The following LARP1 variants were observed in gnomAD, a reference collection of about 807,000 sequenced individuals.
LARP1 encodes la-related protein 1.
Under a neutral mutation model 122.7 loss-of-function variants are expected in LARP1, and 36 were observed. The observed-to-expected ratio is 0.29, with a 90% CI of 0.22 to 0.39. LARP1 has a LOEUF of 0.39. Ranked by LOEUF, LARP1 falls within the 10% of genes least tolerant of loss-of-function variation. The pLI, the probability that LARP1 is intolerant of heterozygous loss-of-function variation, is 1.00. For synonymous variants in LARP1, 539 were observed against 528.7 expected, an observed-to-expected ratio of 1.02 and a Z score of -0.27; for missense variants, 1,040 against 1,403.6, an observed-to-expected ratio of 0.74 and a Z score of 4.14.
intron 1 of LARP1, among the ~76,000 whole-genome samples, chr5:154,774,225 G>T (rs1755675239): frequency 6.6e-6 from 1 of 152,184 alleles, no homozygotes; most frequent in South Asian, 2.1e-4. Flanking sequence ...AGGGACCAGA[G>T]TACTGATGAT....
intron 15 of LARP1, 42 bp from the exon 16 acceptor site, chr5:154,808,417 C>G: frequency 1.3e-6 from 2 of 1,596,602 alleles, no homozygotes; most frequent in Non-Finnish European, 1.7e-6. Context: ...GCAAGGGCAG[C>G]CTGAACCTGA....
chr5:154,758,758 C>A (rs897846605), intron 1 of LARP1, among the ~76,000 whole-genome samples: 2 of 152,130 alleles, frequency 1.3e-5, no homozygotes, highest in African/African-American at 4.8e-5. Flanking sequence ...CTATTTTTAG[C>A]CTTACTTTTG....
At position 154,803,471 on chromosome 5, in the gene LARP1, TG is replaced by T; in HGVS notation, c.2233+63del. ...GTGAGAGGATCTAGGGCCCTTGGACTGGGGGCTATCCTGGGGTGGATGCCAC... is the reference window on the plus strand; with the variant it reads ...GTGAGAGGATCTAGGGCCCTTGGACTGGGGCTATCCTGGGGTGGATGCCAC... On this transcript the variant is annotated intron_variant, in intron 12 of 18. Transcript: ENST00000518297. This position sits in a 1 kb window ranked among gnomAD's most constrained non-coding sequence, Gnocchi z 4.4. 6.2e-7 allele frequency: 1 copy of T among 1,614,018 alleles called. No homozygotes were observed. The highest frequency in any genetic ancestry group is 2.2e-5 in the East Asian group (1 of 44,876).
At chr5:154,694,518 C>G (rs1179186849) in intron 1 of LARP1, among the ~76,000 whole-genome samples, 1 of 152,126 alleles carries the variant, frequency 6.6e-6, no homozygotes, top group African/African-American at 2.4e-5. Flanking sequence ...CCTTGACTTC[C>G]CAAAGCACTG....
At chr5:154,781,817 C>T (rs1756474470) in intron 1 of LARP1, among the ~76,000 whole-genome samples, 1 of 152,192 alleles carries the variant, frequency 6.6e-6, no homozygotes, top group South Asian at 2.1e-4. Flanking sequence ...TGGCCCAAGA[C>T]ATTAATTCTT....
At chr5:154,700,922 G>A (rs1156574224) in intron 1 of LARP1, among the ~76,000 whole-genome samples, 1 of 151,748 alleles carries the variant, frequency 6.6e-6, no homozygotes, top group Non-Finnish European at 1.5e-5. Flanking sequence ...TCACGCCACT[G>A]CACTCCACAC....
intron 1 of LARP1, among the ~76,000 whole-genome samples, chr5:154,760,467 G>A (rs867024791): frequency 6.6e-6 from 1 of 152,196 alleles, no homozygotes; most frequent in East Asian, 1.9e-4. Context: ...TTTGCGTTGT[G>A]ATTAGGAATC....
In LARP1 at chr5:154,765,824, G is replaced by A. The variant is rs191896541; in HGVS notation, c.436+9631G>A. Among the ~76,000 whole-genome samples the A allele has an allele frequency of 3.9e-5, 6 of 152,344 alleles. No individual in the cohort carries two copies. In the East Asian group the frequency reaches 1.2e-3, roughly 29 times the overall value. On this transcript the variant is annotated intron_variant, in intron 1 of 18. Coordinates refer to ENST00000518297, the MANE Select transcript of LARP1 (RefSeq NM_033551.3). Reference sequence around the variant, plus strand: ...CTTGGTGAACATTTAGTGAAAGAATGAATTGCGTATTTTTAATGGCATTCA... The same window carrying A: ...CTTGGTGAACATTTAGTGAAAGAATAAATTGCGTATTTTTAATGGCATTCA...
At chr5:154,797,051 C>T (rs1465415808) in intron 8 of LARP1, among the ~76,000 whole-genome samples, 1 of 151,956 alleles carries the variant, frequency 6.6e-6, no homozygotes, top group Non-Finnish European at 1.5e-5. Flanking sequence ...CTGGAATTGG[C>T]CACTTTTAAA....
chr5:154,732,385 T>C (rs1436077758), intron 1 of LARP1, among the ~76,000 whole-genome samples: 2 of 152,136 alleles, frequency 1.3e-5, no homozygotes, highest in Non-Finnish European at 2.9e-5. Context: ...ATCTGACTCA[T>C]TGAAGGGATA....
At chr5:154,687,063 T>C (rs1043942055) in intron 1 of LARP1, among the ~76,000 whole-genome samples, 2 of 152,218 alleles carry the variant, frequency 1.3e-5, no homozygotes, top group African/African-American at 4.8e-5. Context: ...GGGGTGGGTC[T>C]GGGGGAAGAT....
Position 154,803,591 on chromosome 5 carries a change from C to T in LARP1, c.2285C>T (p.Thr762Ile). ...TTGTTTGGTGCTCCTGAGCCCTCCACCATCGCCCGCTCTCTACCAACCACT... is the reference window on the plus strand; with the variant it reads ...TTGTTTGGTGCTCCTGAGCCCTCCATCATCGCCCGCTCTCTACCAACCACT... The part of the protein sequence containing the change: ...NKLFGAPEPS[T>I]IARSLPTTVP... Residue 762 changes from threonine to isoleucine, a missense_variant, in exon 13 of 19, where the codon ACC becomes ATC. Physicochemically the swap from Thr to Ile is moderately conservative, Grantham distance 89. Transcript: ENST00000518297. This position sits in a 1 kb window ranked among gnomAD's most constrained non-coding sequence, Gnocchi z 4.4. 6.2e-7 allele frequency: 1 copy of T among 1,614,150 alleles called. No homozygotes were observed. The highest frequency in any genetic ancestry group is 8.5e-7 in the Non-Finnish European group (1 of 1,180,030).
At chr5:154,778,969 T>TGTG (rs1381287820) in intron 1 of LARP1, among the ~76,000 whole-genome samples, 1 of 152,218 alleles carries the variant, frequency 6.6e-6, no homozygotes, top group African/African-American at 2.4e-5. Context: ...AAATTTAGAT[T>TGTG]TAACAGAGTG....
intron 8 of LARP1, among the ~76,000 whole-genome samples, chr5:154,797,814 G>T (rs1430571512): frequency 6.6e-6 from 1 of 151,956 alleles, no homozygotes; most frequent in African/African-American, 2.4e-5. Context: ...TCAGCCTCCT[G>T]AGTAGCAGGA....
intron 1 of LARP1, among the ~76,000 whole-genome samples, chr5:154,783,356 G>A (rs2461848): frequency 0.061 from 9,277 of 152,222 alleles, 310 homozygotes; most frequent in Middle Eastern, 0.082. Flanking sequence ...GCCTCTCTGG[G>A]TAGGGAAACT....
chr5:154,793,638 T>C lies in LARP1; in HGVS notation c.783T>C (p.Pro261=), dbSNP rs145871986. Residue 261 remains proline (P), a synonymous_variant, in exon 5 of 19, where the codon CCT becomes CCC. Coordinates refer to ENST00000518297, the MANE Select transcript of LARP1 (RefSeq NM_033551.3). ...TTCCATTACAAATAGACATGAAGCC[T>C]GAAGTGCCCAGAGAGAAACTGGCTT... ...KWVPLQIDMK[P]EVPREKLASR... 57 of 1,614,156 alleles carry C rather than the reference T, an allele frequency of 3.5e-5. No homozygotes were observed. In the African/African-American group the frequency reaches 4.5e-4, roughly 13 times the overall value.
chr5:154,799,515 C>T (rs962230370), intron 8 of LARP1, 76 bp from the exon 9 acceptor site: 4 of 1,520,956 alleles, frequency 2.6e-6, no homozygotes, highest in African/African-American at 2.7e-5. Flanking sequence ...CAGGGGAACC[C>T]AGTTGTCTAC....
chr5:154,798,094 T>A (rs1287392145), intron 8 of LARP1, among the ~76,000 whole-genome samples: 1 of 152,244 alleles, frequency 6.6e-6, no homozygotes, highest in Non-Finnish European at 1.5e-5. Flanking sequence ...AATTGATATA[T>A]ATATTAGTTT....
intron 1 of LARP1, among the ~76,000 whole-genome samples, chr5:154,777,222 C>T (rs564576482): frequency 3.1e-4 from 47 of 152,184 alleles, no homozygotes; most frequent in Non-Finnish European, 6.0e-4. Context: ...TATTGTAGGT[C>T]GGCCGCGGTG....
Sources: gnomAD v4.1 joint callset for allele counts (sites outside exome capture counted in the v4.1 genomes callset) on GRCh38, gnomAD v4.1.1 for gene constraint, Gnocchi (gnomAD v3.1) non-coding constraint, MANE v1.5 for transcripts, NCBI Gene and HGNC (gene_info 2026-07-23, HGNC 2026-07-21) for gene names.